Variants in GML observed in about 807,000 individuals in gnomAD.
GML encodes glycosylphosphatidylinositol anchored molecule like.
Under a neutral mutation model 8.2 loss-of-function variants are expected in GML, and 5 were observed. The observed-to-expected ratio is 0.61, with a 90% CI of 0.32 to 1.28. The LOEUF (loss-of-function observed/expected upper bound fraction) is 1.28, where lower values mean the gene tolerates loss of function less well. Among genes scored for constraint, GML ranks in the 50% most tolerant of loss-of-function variants. The probability of loss-of-function intolerance (pLI) is 0.06; values close to 1 mark genes in which losing one functional copy is unlikely to be tolerated. For missense variants in GML, 191 were observed against 198.3 expected (o/e 0.96, Z 0.22); for synonymous variants, 72 against 69.0 (o/e 1.04, Z -0.22).
rs1273449345 is a variant in GML at position 142,843,252 on chromosome 8, T to TCA, written c.181+2028_181+2029dup. ...TAAAACTATTTTTAAAATAAAAGGT[T>TCA]CATACACACACACACACACACACAC... On this transcript the variant is annotated intron_variant, in intron 3 of 3. Coordinates refer to ENST00000220940, the MANE Select transcript of GML (RefSeq NM_002066.3). 1.7e-4 allele frequency among the ~76,000 whole-genome samples: 5 copies of TCA among 30,110 alleles called. No individual in the cohort carries two copies. In the East Asian group the frequency reaches 0.011, roughly 65 times the overall value. The allele number at this position is 30,110 out of a possible 152,430, so 19.8% of individuals were successfully genotyped here.
chr8:142,837,299 C>CAAAAAAAAA lies in GML; in HGVS notation c.-23+2438_-23+2439insAAAAAAAAA, dbSNP rs61251350. ...TGCAGGACAGAGCGAGACTCTGTTT[C>CAAAAAAAAA]AAAAAAAGAAACTATGTCTCTTTTT... On this transcript the variant is annotated intron_variant, in intron 1 of 3. Coordinates refer to ENST00000220940, the MANE Select transcript of GML (RefSeq NM_002066.3). Among the ~76,000 whole-genome samples the CAAAAAAAAA allele has an allele frequency of 8.8e-5, 13 of 148,434 alleles. 1 individual carries two copies. Among genetic ancestry groups the CAAAAAAAAA allele is most frequent in the East Asian group, 8.5e-4 (4 of 4,690 alleles).
intron 3 of GML, among the ~76,000 whole-genome samples, chr8:142,842,056 G>A (rs1816442266): frequency 6.6e-6 from 1 of 152,170 alleles, no homozygotes; most frequent in Admixed American, 6.5e-5. Context: ...GTGTGTCATG[G>A]GAGGGACCTG....
chr8:142,844,964 T>C (rs3753121), intron 3 of GML, among the ~76,000 whole-genome samples: 102,436 of 152,174 alleles, frequency 0.67, 35,649 homozygotes, highest in East Asian at 0.85. Flanking sequence ...AGGCTCACCT[T>C]AAGGCAAATA....
chr8:142,845,597 T>G (rs1420897479), intron 3 of GML, among the ~76,000 whole-genome samples: 2 of 152,188 alleles, frequency 1.3e-5, no homozygotes, highest in Non-Finnish European at 2.9e-5. Context: ...TGGATAGACT[T>G]CAAGGGGAAC....
At position 142,834,831 on chromosome 8, in the gene GML, C is replaced by A. The variant is rs529383937; in HGVS notation, c.-60C>A. 8.1e-3 allele frequency: 680 copies of A among 83,730 alleles called. 4 individuals carry two copies. The highest frequency in any genetic ancestry group is 0.033 in the African/African-American group (651 of 19,688). 5.2% of individuals were successfully genotyped at this position (83,730 alleles called of 1,614,324 possible). ...CGCGGGAGGCTCAGATGGCTGGAGGCGGCGGGCACGCACACTGCGGGGCTC... is the reference window on the plus strand; with the variant it reads ...CGCGGGAGGCTCAGATGGCTGGAGGAGGCGGGCACGCACACTGCGGGGCTC... On this transcript the variant is annotated 5_prime_UTR_variant, in exon 1 of 4. Transcript: ENST00000220940.
At chr8:142,843,607 A>C (rs961044850) in intron 3 of GML, among the ~76,000 whole-genome samples, 1 of 152,248 alleles carries the variant, frequency 6.6e-6, no homozygotes, top group Non-Finnish European at 1.5e-5. Context: ...ACAAACTTCA[A>C]ATAACAAATA....
In GML at chr8:142,837,649, C is replaced by T. The variant is rs147404506; in HGVS notation, c.-22-2767C>T. 2.6e-3 allele frequency among the ~76,000 whole-genome samples: 378 copies of T among 145,930 alleles called. 21 individuals carry two copies. The highest frequency in any genetic ancestry group is 9.1e-3 in the African/African-American group (358 of 39,214). ...CAATTTGTATGCTCACCTTTCACAC[C>T]GAATCCTCAGCTCGGACAGGTTTCC... On this transcript the variant is annotated intron_variant, in intron 1 of 3. Coordinates refer to ENST00000220940, the MANE Select transcript of GML (RefSeq NM_002066.3).
chr8:142,834,810 G>C lies in GML; in HGVS notation c.-81G>C, dbSNP rs961499187. On this transcript the variant is annotated 5_prime_UTR_variant, in exon 1 of 4. Coordinates refer to ENST00000220940, the MANE Select transcript of GML (RefSeq NM_002066.3). Reference sequence around the variant, plus strand: ...GAAAGCGGGTGGGGAGGTCGGCGCGGGAGGCTCAGATGGCTGGAGGCGGCG... The same window carrying C: ...GAAAGCGGGTGGGGAGGTCGGCGCGCGAGGCTCAGATGGCTGGAGGCGGCG... 6.6e-6 allele frequency: 1 copy of C among 152,466 alleles called. No homozygotes were observed. Among genetic ancestry groups the C allele is most frequent in the African/African-American group, 2.4e-5 (1 of 41,042 alleles). The allele number at this position is 152,466 out of a possible 1,614,324, so 9.4% of individuals were successfully genotyped here.
chr8:142,839,395 G>A (rs1816391530), intron 1 of GML, among the ~76,000 whole-genome samples: 1 of 152,212 alleles, frequency 6.6e-6, no homozygotes, highest in African/African-American at 2.4e-5. Flanking sequence ...CACAGGGTGG[G>A]GCAAAGTGGG....
intron 1 of GML, among the ~76,000 whole-genome samples, chr8:142,839,466 A>G (rs1816392787): frequency 6.6e-6 from 1 of 152,094 alleles, no homozygotes; most frequent in South Asian, 2.1e-4. Context: ...GTCAGCTTCT[A>G]GTTCTGTAGC....
intron 3 of GML, among the ~76,000 whole-genome samples, chr8:142,842,551 C>T (rs1400288011): frequency 6.6e-6 from 1 of 152,194 alleles, no homozygotes; most frequent in Admixed American, 6.5e-5. Flanking sequence ...GAGTGAGATT[C>T]GCAAGGTATG....
chr8:142,843,582 T>C (rs954093758), intron 3 of GML, among the ~76,000 whole-genome samples: 1 of 152,222 alleles, frequency 6.6e-6, no homozygotes, highest in African/African-American at 2.4e-5. Context: ...AACTGCTTAC[T>C]ATTCATCAGA....
At chr8:142,840,079 C>T (rs1487441404) in intron 1 of GML, among the ~76,000 whole-genome samples, 4 of 151,482 alleles carry the variant, frequency 2.6e-5, no homozygotes, top group Admixed American at 6.6e-5. Context: ...TTTCACAAGC[C>T]GCTGTTGAGG....
chr8:142,836,600 TC>T (rs1377764390), intron 1 of GML, among the ~76,000 whole-genome samples: 8 of 152,374 alleles, frequency 5.3e-5, no homozygotes, highest in South Asian at 2.1e-4. Context: ...TTCTTACATA[TC>T]CTGTGATGTT....
intron 3 of GML, among the ~76,000 whole-genome samples, chr8:142,842,884 G>C (rs1816453850): frequency 6.6e-6 from 1 of 152,224 alleles, no homozygotes; most frequent in Non-Finnish European, 1.5e-5. Flanking sequence ...CCTAGCTCTG[G>C]ACTGTTGTTC....
intron 3 of GML, among the ~76,000 whole-genome samples, chr8:142,845,234 G>C (rs1310828571): frequency 2.6e-5 from 4 of 152,182 alleles, no homozygotes; most frequent in Non-Finnish European, 4.4e-5. Flanking sequence ...TAACCTATAG[G>C]TTTAGAAGCC....
chr8:142,840,117 CAT>C (rs1216070537), intron 1 of GML, among the ~76,000 whole-genome samples: 1 of 152,216 alleles, frequency 6.6e-6, no homozygotes. Context: ...GATACAGAAA[CAT>C]ATTTCGGAGC....
At chr8:142,839,663 G>A (rs544867968) in intron 1 of GML, among the ~76,000 whole-genome samples, 1 of 152,204 alleles carries the variant, frequency 6.6e-6, no homozygotes, top group Non-Finnish European at 1.5e-5. Flanking sequence ...GCTGCTGAAG[G>A]GGGGTAGGGG....
In GML at chr8:142,840,422, G is replaced by A. The variant is rs555744985; in HGVS notation, c.-16G>A. The A allele has an allele frequency of 5.0e-6, 8 of 1,608,548 alleles. No individual in the cohort carries two copies. The African/African-American group carries it at 9.3e-5, about 19-fold the overall frequency. ...TGGGGCTCCTTCCCTTCAGGTCCAG[G>A]CTCCTGCGTGAAGTGATGCTCCTCT... On this transcript the variant is annotated 5_prime_UTR_variant, in exon 2 of 4. Transcript: ENST00000220940.
Sources: gnomAD v4.1 joint callset for allele counts (sites outside exome capture counted in the v4.1 genomes callset) on GRCh38, gnomAD v4.1.1 for gene constraint, MANE v1.5 for transcripts, NCBI Gene and HGNC (gene_info 2026-07-23, HGNC 2026-07-21) for gene names.